CHRM3: variants seen among roughly 807,000 people sequenced by gnomAD.
CHRM3 encodes muscarinic acetylcholine receptor M3.
In CHRM3, 11 loss-of-function variants were observed where a neutral mutation model predicts 41.8. The observed-to-expected ratio is 0.26, with a 90% CI of 0.17 to 0.44. CHRM3 has a LOEUF of 0.44. Ranked by LOEUF, CHRM3 falls within the 20% of genes least tolerant of loss-of-function variation. The pLI, the probability that CHRM3 is intolerant of heterozygous loss-of-function variation, is 1.00. For missense variants in CHRM3, 571 were observed against 745.4 expected (o/e 0.77, Z 2.72); for synonymous variants, 297 against 301.4 (o/e 0.99, Z 0.15).
intron 6 of CHRM3, among the ~76,000 whole-genome samples, chr1:239,832,439 G>A (rs1289812660): frequency 1.3e-5 from 2 of 152,198 alleles, no homozygotes; most frequent in Admixed American, 6.5e-5. Context: ...AGCCTCCACT[G>A]TAGTCATTCC....
At chr1:239,813,234 T>A (rs896516054) in intron 5 of CHRM3, among the ~76,000 whole-genome samples, 1 of 152,060 alleles carries the variant, frequency 6.6e-6, no homozygotes, top group African/African-American at 2.4e-5. Context: ...GCCGACATTG[T>A]GCCACCGCAC....
intron 1 of CHRM3, among the ~76,000 whole-genome samples, chr1:239,457,437 G>T (rs1423379097): frequency 6.6e-6 from 1 of 152,092 alleles, no homozygotes; most frequent in African/African-American, 2.4e-5. Context: ...TTCTATTTGT[G>T]TTGGCAGGCT....
chr1:239,819,964 T>C (rs1342907607), intron 5 of CHRM3, among the ~76,000 whole-genome samples: 1 of 152,108 alleles, frequency 6.6e-6, no homozygotes, highest in Non-Finnish European at 1.5e-5. Context: ...TGGAGACTAG[T>C]GGCCGAACCT....
At chr1:239,744,184 A>C (rs189012155) in intron 5 of CHRM3, among the ~76,000 whole-genome samples, 15 of 152,170 alleles carry the variant, frequency 9.9e-5, no homozygotes, top group African/African-American at 3.4e-4. Flanking sequence ...CGTGTGTCTT[A>C]GGAACTATTA....
chr1:239,457,712 T>A (rs1665057912), intron 1 of CHRM3, among the ~76,000 whole-genome samples: 1 of 152,188 alleles, frequency 6.6e-6, no homozygotes, highest in South Asian at 2.1e-4. Flanking sequence ...AACACACTCA[T>A]GCTTCAGAGG....
intron 2 of CHRM3, among the ~76,000 whole-genome samples, chr1:239,515,384 A>G (rs2148225575): frequency 6.6e-6 from 1 of 151,548 alleles, no homozygotes; most frequent in South Asian, 2.1e-4. Context: ...CATCTAGGGT[A>G]AATTGCAATT....
At chr1:239,420,826 C>T in intron 1 of CHRM3, among the ~76,000 whole-genome samples, 1 of 152,054 alleles carries the variant, frequency 6.6e-6, no homozygotes. Flanking sequence ...GAAAATGAAA[C>T]TTCTATAAAT....
chr1:239,851,362 A>G (rs1195518084), intron 6 of CHRM3, among the ~76,000 whole-genome samples: 1 of 152,234 alleles, frequency 6.6e-6, no homozygotes, highest in African/African-American at 2.4e-5. Context: ...AGGGAGAACC[A>G]TGTGTCTTTG....
intron 5 of CHRM3, among the ~76,000 whole-genome samples, chr1:239,726,283 G>A (rs1036958405): frequency 4.0e-5 from 6 of 151,802 alleles, no homozygotes; most frequent in Non-Finnish European, 5.9e-5. Flanking sequence ...TAGGTTTTAC[G>A]CATGCATTAA....
At chr1:239,515,417 T>G (rs1163851766) in intron 2 of CHRM3, among the ~76,000 whole-genome samples, 1 of 151,548 alleles carries the variant, frequency 6.6e-6, no homozygotes, top group Admixed American at 6.6e-5. Flanking sequence ...TTTTTGTTTT[T>G]TTTTTTTTTA....
rs12063366 is a variant in CHRM3, at chr1:239,689,367, A to G, written c.-147+11079A>G. Among the ~76,000 whole-genome samples, 572 of 152,274 alleles carry G rather than the reference A, an allele frequency of 3.8e-3. 5 individuals carry two copies. The highest frequency in any genetic ancestry group is 0.013 in the African/African-American group (555 of 41,550). On this transcript the variant is annotated intron_variant, in intron 5 of 6. Transcript: ENST00000676153. ...TTAGCTTTGAGTACTTCCTTTGTGC[A>G]CGCAGAAAGACTGACATTCAAATTT...
At chr1:239,424,669 C>G (rs563749881) in intron 1 of CHRM3, among the ~76,000 whole-genome samples, 10 of 152,202 alleles carry the variant, frequency 6.6e-5, no homozygotes, top group Admixed American at 2.0e-4. Flanking sequence ...TCACAGAAGA[C>G]AGAATATATG....
chr1:239,491,534 G>A (rs576331599), intron 1 of CHRM3, among the ~76,000 whole-genome samples: 2 of 152,270 alleles, frequency 1.3e-5, no homozygotes, highest in Admixed American at 1.3e-4. Context: ...CCTTTTCATG[G>A]CTAGATAGTA....
At chr1:239,559,231 A>G (rs9661677) in intron 3 of CHRM3, among the ~76,000 whole-genome samples, 5,461 of 152,226 alleles carry the variant, frequency 0.036, 357 homozygotes, top group African/African-American at 0.13. Flanking sequence ...CACAGTCTAT[A>G]GGAGCTATTG....
chr1:239,806,566 T>A (rs1338919985), intron 5 of CHRM3, among the ~76,000 whole-genome samples: 1 of 152,222 alleles, frequency 6.6e-6, no homozygotes, highest in Non-Finnish European at 1.5e-5. Flanking sequence ...GTAGGCCAGA[T>A]GCATTAGGCC....
intron 5 of CHRM3, among the ~76,000 whole-genome samples, chr1:239,789,528 C>G (rs1669174384): frequency 6.6e-6 from 1 of 152,092 alleles, no homozygotes; most frequent in African/African-American, 2.4e-5. Flanking sequence ...CTGATGAGGG[C>G]CTCAGGCTGC....
At chr1:239,848,464 A>C (rs1313077509) in intron 6 of CHRM3, among the ~76,000 whole-genome samples, 15 of 152,146 alleles carry the variant, frequency 9.9e-5, no homozygotes, top group Admixed American at 9.8e-4. Flanking sequence ...ATTTTTAGAA[A>C]ACTGTTACAA....
intron 3 of CHRM3, among the ~76,000 whole-genome samples, chr1:239,556,110 T>C (rs1660328933): frequency 6.6e-6 from 1 of 152,186 alleles, no homozygotes; most frequent in African/African-American, 2.4e-5. Context: ...TGAGAAACAT[T>C]AACTACGCAT....
chr1:239,689,954 A>T (rs1387020996), intron 5 of CHRM3, among the ~76,000 whole-genome samples: 1 of 152,076 alleles, frequency 6.6e-6, no homozygotes, highest in Non-Finnish European at 1.5e-5. Flanking sequence ...GAACTCTAGG[A>T]CTGCCCATGC....
Sources: allele counts gnomAD v4.1 joint callset (sites outside exome capture counted in the v4.1 genomes callset), GRCh38; gene constraint gnomAD v4.1.1; transcripts MANE v1.5; gene names NCBI Gene and HGNC (gene_info 2026-07-23, HGNC 2026-07-21).